Variants in TNRC6C observed in about 807,000 individuals in gnomAD.
The protein encoded by TNRC6C is trinucleotide repeat containing adaptor 6C.
A neutral mutation model predicts 153.7 loss-of-function variants in TNRC6C; 20 were observed. The observed-to-expected ratio is 0.13, with a 90% CI of 0.09 to 0.19. The LOEUF (loss-of-function observed/expected upper bound fraction) is 0.19. Ranked by LOEUF, TNRC6C falls within the 10% of genes least tolerant of loss-of-function variation. TNRC6C has a pLI of 1.00. For missense variants in TNRC6C, 1,987 were observed against 2,172.0 expected (o/e 0.91, Z 1.69); for synonymous variants, 811 against 841.4 (o/e 0.96, Z 0.63).
At chr17:78,069,910 C>T (rs1047244279) in intron 5 of TNRC6C, among the ~76,000 whole-genome samples, 1 of 152,154 alleles carries the variant, frequency 6.6e-6, no homozygotes, top group Non-Finnish European at 1.5e-5. Context: ...TCTAAATTCT[C>T]TGGAAGGGCA....
At chr17:78,102,278 G>A (rs878900285) in intron 17 of TNRC6C, among the ~76,000 whole-genome samples, 196 bp from the exon 21 acceptor site, 2 of 152,318 alleles carry the variant, frequency 1.3e-5, no homozygotes, top group Admixed American at 1.3e-4. Flanking sequence ...ACGGGGAAGT[G>A]GGAAGGGGGT....
At chr17:78,008,283 G>A (rs2071558239) in intron 1 of TNRC6C, 1 of 152,162 alleles carries the variant, frequency 6.6e-6, no homozygotes, top group South Asian at 2.1e-4. Context: ...TAGGAAGTCT[G>A]CTTTGTAAAA....
At chr17:78,088,802 G>A (rs1208953676) in intron 13 of TNRC6C, among the ~76,000 whole-genome samples, 1 of 151,818 alleles carries the variant, frequency 6.6e-6, no homozygotes, top group Non-Finnish European at 1.5e-5. Context: ...CTAGCACATA[G>A]CAAACACTTT....
chr17:78,009,833 G>A (rs936617217), intron 1 of TNRC6C, among the ~76,000 whole-genome samples: 9 of 144,128 alleles, frequency 6.2e-5, no homozygotes, highest in East Asian at 2.1e-4. Flanking sequence ...GATTACAGGC[G>A]TGAGCCACTG....
At chr17:77,969,319 G>A (rs556148783) in intron 1 of TNRC6C, among the ~76,000 whole-genome samples, 1 of 151,578 alleles carries the variant, frequency 6.6e-6, no homozygotes, top group East Asian at 2.0e-4. Context: ...GCGCAATCTC[G>A]GCTCACTGCA....
chr17:78,026,939 AG>A (rs2071952884), intron 1 of TNRC6C, among the ~76,000 whole-genome samples: 1 of 152,178 alleles, frequency 6.6e-6, no homozygotes, highest in Non-Finnish European at 1.5e-5. Flanking sequence ...GTGATTGATT[AG>A]ATGTAGGAGA....
chr17:78,067,950 A>G (rs2144247603), intron 5 of TNRC6C, 27 bp downstream of exon 7: 2 of 1,576,556 alleles, frequency 1.3e-6, no homozygotes, highest in Non-Finnish European at 1.7e-6. Context: ...TAACGACGGT[A>G]CACCCTGAAA....
At chr17:78,003,336 G>A (rs775173174), upstream of TNRC6C, among the ~76,000 whole-genome samples, 4 of 152,100 alleles carry the variant, frequency 2.6e-5, no homozygotes, top group Non-Finnish European at 5.9e-5. Flanking sequence ...TAAGGGAAGA[G>A]GCATCCAGAG....
chr17:77,958,936 T>C (rs1033678070), upstream of TNRC6C, among the ~76,000 whole-genome samples: 1 of 142,686 alleles, frequency 7.0e-6, no homozygotes, highest in Non-Finnish European at 1.5e-5. Flanking sequence ...CGCCCAGCCG[T>C]CCGCAGCTGC....
upstream of TNRC6C, among the ~76,000 whole-genome samples, chr17:78,001,496 G>T (rs575433298): frequency 6.6e-6 from 1 of 152,110 alleles, no homozygotes; most frequent in Non-Finnish European, 1.5e-5. Context: ...AAGAATGACT[G>T]AATAATATGA....
intron 3 of TNRC6C, among the ~76,000 whole-genome samples, chr17:78,060,857 T>C (rs1170019000): frequency 2.0e-5 from 3 of 152,218 alleles, no homozygotes; most frequent in Non-Finnish European, 4.4e-5. Flanking sequence ...AGGAAAGAAT[T>C]TCATCCACTG....
rs2072632211 is a variant in TNRC6C, at chr17:78,055,314, C to T, written c.2395+3857C>T. ...CGGGATCTTCAGTATCACTGTTGTCCACCTCCACACGTTGTCCCATTGGAG... is the reference window on the plus strand; with the variant it reads ...CGGGATCTTCAGTATCACTGTTGTCTACCTCCACACGTTGTCCCATTGGAG... On this transcript the variant is annotated intron_variant, in intron 3 of 19. Coordinates refer to ENST00000301624, the Ensembl canonical transcript of TNRC6C. Among the ~76,000 whole-genome samples, 3 of 152,098 alleles carry T rather than the reference C, an allele frequency of 2.0e-5. No individual in the cohort carries two copies. In the South Asian group the frequency reaches 6.2e-4, roughly 31 times the overall value.
chr17:78,102,258 CAG>C (rs1285317652), intron 17 of TNRC6C, among the ~76,000 whole-genome samples: 1 of 152,102 alleles, frequency 6.6e-6, no homozygotes, highest in Non-Finnish European at 1.5e-5. Flanking sequence ...TCCAAAAAGT[CAG>C]AGTCACCACG....
At chr17:78,092,971 A>G in exon 15 of TNRC6C, 2 of 1,613,892 alleles carry the variant, frequency 1.2e-6, no homozygotes, top group South Asian at 2.2e-5. Context: ...GCCTCCAGGT[A>G]AGTCCTCCAT....
chr17:78,043,891 A>G (rs905227774), intron 2 of TNRC6C, among the ~76,000 whole-genome samples: 1 of 152,222 alleles, frequency 6.6e-6, no homozygotes, highest in Non-Finnish European at 1.5e-5. Context: ...TGCAAATGAC[A>G]GGATCTTATT....
At chr17:78,105,159 T>A (rs2073670065) in exon 20 of TNRC6C, 1 of 274,214 alleles carries the variant, frequency 3.6e-6, no homozygotes, top group Admixed American at 5.3e-5. Context: ...AATAGTTCTA[T>A]CATGAAGGGC....
At chr17:78,033,964 T>C (rs993780583) in intron 2 of TNRC6C, among the ~76,000 whole-genome samples, 6 of 152,212 alleles carry the variant, frequency 3.9e-5, no homozygotes, top group African/African-American at 1.4e-4. Flanking sequence ...TAGTTACTAA[T>C]GCACAAACTC....
intron 1 of TNRC6C, among the ~76,000 whole-genome samples, 181 bp from the exon 4 acceptor site, chr17:78,031,335 T>G (rs1417441886): frequency 6.6e-6 from 1 of 152,144 alleles, no homozygotes; most frequent in Non-Finnish European, 1.5e-5. Context: ...CTCTCAAGAT[T>G]AGTTTGTGTG....
intron 1 of TNRC6C, among the ~76,000 whole-genome samples, chr17:77,977,478 TATG>T (rs1216915926): frequency 1.3e-5 from 2 of 152,230 alleles, no homozygotes; most frequent in African/African-American, 4.8e-5. Flanking sequence ...AGATATTTTT[TATG>T]ATATGTTGCA....
Sources: gnomAD v4.1 joint callset for allele counts (sites outside exome capture counted in the v4.1 genomes callset) on GRCh38, gnomAD v4.1.1 for gene constraint, MANE v1.5 for transcripts, NCBI Gene and HGNC (gene_info 2026-07-23, HGNC 2026-07-21) for gene names.